The following ARHGAP28 variants were observed in gnomAD, a reference collection of about 807,000 sequenced individuals.
ARHGAP28 encodes the protein rho GTPase-activating protein 28.
In ARHGAP28, 56 loss-of-function variants were observed where a neutral mutation model predicts 90.7. That is an observed-to-expected ratio of 0.62 (90% CI 0.50 to 0.77). The LOEUF (loss-of-function observed/expected upper bound fraction) is 0.77. Ranked by LOEUF, ARHGAP28 falls within the 30% of genes least tolerant of loss-of-function variation. ARHGAP28 has a pLI of 0.00. For missense variants in ARHGAP28, 869 were observed against 900.9 expected (o/e 0.96, Z 0.45); for synonymous variants, 308 against 323.3 (o/e 0.95, Z 0.51).
intron 1 of ARHGAP28, among the ~76,000 whole-genome samples, chr18:6,805,943 GGC>G (rs1440289852): frequency 1.3e-5 from 2 of 151,984 alleles, no homozygotes; most frequent in Non-Finnish European, 2.9e-5. Flanking sequence ...GGAGTGCAGT[GGC>G]AAGATCTTGA....
intron 10 of ARHGAP28, among the ~76,000 whole-genome samples, chr18:6,877,208 A>G (rs1367784426): frequency 1.3e-5 from 2 of 152,204 alleles, no homozygotes; most frequent in Non-Finnish European, 1.5e-5. Flanking sequence ...GGTTTTTCTA[A>G]GTGGAAACTG....
chr18:6,748,614 A>G (rs530073469), intron 1 of ARHGAP28, among the ~76,000 whole-genome samples: 9 of 152,274 alleles, frequency 5.9e-5, no homozygotes, highest in African/African-American at 2.2e-4. Context: ...TACCATATGA[A>G]TAGGATGTTT....
chr18:6,871,054 C>T (rs1047061341), intron 7 of ARHGAP28, among the ~76,000 whole-genome samples: 1 of 152,196 alleles, frequency 6.6e-6, no homozygotes, highest in African/African-American at 2.4e-5. Flanking sequence ...CCTGCCTCGG[C>T]CTCTCAAAGT....
intron 4 of ARHGAP28, among the ~76,000 whole-genome samples, chr18:6,858,872 A>G (rs1249054070): frequency 2.0e-5 from 3 of 151,874 alleles, no homozygotes; most frequent in Admixed American, 1.3e-4. Flanking sequence ...GTTTCTTTAA[A>G]AAAAAAAAAA....
chr18:6,772,113 G>A (rs2056247564), intron 1 of ARHGAP28, among the ~76,000 whole-genome samples: 2 of 152,166 alleles, frequency 1.3e-5, no homozygotes, highest in South Asian at 4.1e-4. Flanking sequence ...ACAATGGGGA[G>A]TTTTCATTTT....
At chr18:6,897,952 G>C (rs2057316042) in intron 16 of ARHGAP28, 1 of 152,252 alleles carries the variant, frequency 6.6e-6, no homozygotes, top group African/African-American at 2.4e-5. Context: ...AGATAGGTAG[G>C]TTGTATCAAT....
rs1168890907 is a variant in ARHGAP28 at position 6,914,944 on chromosome 18, C to T, written c.*2790C>T. On this transcript the variant is annotated 3_prime_UTR_variant, in exon 18 of 18. Transcript: ENST00000383472. ...TTATCAACTATTTACAACGTCTATA[C>T]AGTATAAACTACCTCACTTGCCTTT... is the stretch of plus-strand genomic sequence containing the variant. 6.6e-6 allele frequency: 1 copy of T among 152,402 alleles called. No homozygotes were observed. The highest frequency in any genetic ancestry group is 1.5e-5 in the Non-Finnish European group (1 of 68,014). 9.4% of individuals were successfully genotyped at this position (152,402 alleles called of 1,614,324 possible). A position where few individuals can be genotyped will look rare whatever the true frequency, so the allele number is the denominator to read the frequency against.
intron 2 of ARHGAP28, among the ~76,000 whole-genome samples, chr18:6,830,633 C>T (rs1442817418): frequency 1.3e-5 from 2 of 152,150 alleles, no homozygotes; most frequent in South Asian, 2.1e-4. Flanking sequence ...ATCCATGTCC[C>T]TGCAAAGGAC....
At chr18:6,825,415 C>G (rs1380366435) in intron 2 of ARHGAP28, among the ~76,000 whole-genome samples, 1 of 152,078 alleles carries the variant, frequency 6.6e-6, no homozygotes, top group African/African-American at 2.4e-5. Flanking sequence ...AAAATTTGAC[C>G]TTAAAGCATT....
chr18:6,768,168 T>G (rs181867787), intron 1 of ARHGAP28, among the ~76,000 whole-genome samples: 27 of 152,340 alleles, frequency 1.8e-4, no homozygotes, highest in Admixed American at 1.8e-3. Context: ...CTCCCATTTC[T>G]CTCCTCTTAT....
chr18:6,841,208 C>CCTCTCTCTCTCTCTCTCTCTCTCTCT (rs369622522), intron 3 of ARHGAP28, among the ~76,000 whole-genome samples: 1 of 43,136 alleles, frequency 2.3e-5, no homozygotes, highest in African/African-American at 9.2e-5. Flanking sequence ...TCTCTCCTCT[C>CCTCTCTCTCTCTCTCTCTCTCTCTCT]CTCTCTCTCT....
At chr18:6,749,166 G>A (rs1285542836) in intron 1 of ARHGAP28, among the ~76,000 whole-genome samples, 1 of 152,172 alleles carries the variant, frequency 6.6e-6, no homozygotes, top group Admixed American at 6.5e-5. Flanking sequence ...GCAAACAAGT[G>A]ATCTGATCTG....
chr18:6,734,047 T>C (rs1375253443), intron 1 of ARHGAP28, among the ~76,000 whole-genome samples: 1 of 152,200 alleles, frequency 6.6e-6, no homozygotes, highest in Non-Finnish European at 1.5e-5. Context: ...TAAGTATTTG[T>C]TGGGAGGAAG....
intron 1 of ARHGAP28, among the ~76,000 whole-genome samples, chr18:6,786,171 G>A (rs2143518419): frequency 6.6e-6 from 1 of 152,278 alleles, no homozygotes; most frequent in Middle Eastern, 3.4e-3. Context: ...GTGATTTCCA[G>A]AGTTATTCAT....
At chr18:6,730,289 C>T (rs139690571) in intron 1 of ARHGAP28, among the ~76,000 whole-genome samples, 259 of 149,026 alleles carry the variant, frequency 1.7e-3, no homozygotes, top group African/African-American at 6.4e-3. Context: ...AAAAAATATT[C>T]CAAATGAAAC....
chr18:6,786,794 A>G (rs559942257), intron 1 of ARHGAP28, among the ~76,000 whole-genome samples: 10 of 136,478 alleles, frequency 7.3e-5, no homozygotes, highest in African/African-American at 1.7e-4. Context: ...TGCTGTGGGG[A>G]AAAAAAAAAT....
intron 1 of ARHGAP28, chr18:6,788,555 G>A (rs1299444134): frequency 6.6e-6 from 1 of 151,962 alleles, no homozygotes; most frequent in Non-Finnish European, 1.5e-5. Flanking sequence ...TCCACCTCCT[G>A]GGTTCACGCC....
chr18:6,775,463 C>T (rs1381920937), intron 1 of ARHGAP28, among the ~76,000 whole-genome samples: 2 of 152,022 alleles, frequency 1.3e-5, no homozygotes, highest in Admixed American at 6.6e-5. Context: ...AGGAAGCCTT[C>T]GATGAAATAT....
chr18:6,762,031 A>T (rs1285169616), intron 1 of ARHGAP28, among the ~76,000 whole-genome samples: 1 of 152,030 alleles, frequency 6.6e-6, no homozygotes, highest in African/African-American at 2.4e-5. Context: ...GCTCACCATT[A>T]TTTACCCATT....
Sources: gnomAD v4.1 joint callset for allele counts (sites outside exome capture counted in the v4.1 genomes callset) on GRCh38, gnomAD v4.1.1 for gene constraint, MANE v1.5 for transcripts, NCBI Gene and HGNC (gene_info 2026-07-23, HGNC 2026-07-21) for gene names.